Variants in TLE6 observed in about 807,000 individuals in gnomAD.
TLE6 encodes the protein transducin-like enhancer protein 6.
TLE6 carries 72 observed loss-of-function variants against 77.1 expected under a neutral mutation model. That is an observed-to-expected ratio of 0.93 (90% CI 0.77 to 1.14). TLE6 has a LOEUF of 1.14. TLE6 is among the 50% of genes most tolerant of loss of function. The pLI is 0.00. For synonymous variants in TLE6, 366 were observed against 287.3 expected (o/e 1.27, Z -2.77); for missense variants, 843 against 747.6 (o/e 1.13, Z -1.49).
At chr19:2,992,797 G>GGGC (rs1163738311) in intron 14 of TLE6, among the ~76,000 whole-genome samples, 1 of 71,994 alleles carries the variant, frequency 1.4e-5, no homozygotes, top group Non-Finnish European at 2.9e-5. Flanking sequence ...AAAAAAAGGG[G>GGGC]GGGAGGCGGG....
chr19:2,981,614 G>C, intron 4 of TLE6, 31 bp downstream of exon 4: 1 of 1,550,864 alleles, frequency 6.4e-7, no homozygotes, highest in South Asian at 1.2e-5. Context: ...CCCAACCAAG[G>C]AGGGCCCCAC....
At chr19:2,986,780 C>T (rs1288130826) in intron 5 of TLE6, 49 bp from the exon 6 acceptor site, 18 of 1,535,670 alleles carry the variant, frequency 1.2e-5, no homozygotes, top group Non-Finnish European at 1.1e-5. Flanking sequence ...GGATTGCAAA[C>T]CCTTAACTGC....
In TLE6 at chr19:2,994,030, G is replaced by A. The variant is rs749816466; in HGVS notation, c.1549G>A (p.Ala517Thr). Reference protein sequence around the residue: ...VKFSPFGQWWASVGMDDFLGV... With the variant: ...VKFSPFGQWWTSVGMDDFLGV... ...TCCATTTCTCCCAGGCCAGTGGTGG[G>A]CAAGCGTTGGAATGGACGACTTCCT... Residue 517 changes from alanine to threonine, a missense_variant, in exon 16 of 17, where the codon GCA (alanine) becomes ACA (threonine). Coordinates refer to ENST00000246112, the MANE Select transcript of TLE6 (RefSeq NM_001143986.2). 3 of 1,605,718 alleles carry A rather than the reference G, an allele frequency of 1.9e-6. No individual in the cohort carries two copies. The highest frequency in any genetic ancestry group is 2.2e-5 in the South Asian group (2 of 88,996).
chr19:2,980,266 C>G (rs1042205143), intron 3 of TLE6, 84 bp downstream of exon 3: 3 of 1,189,988 alleles, frequency 2.5e-6, no homozygotes, highest in Non-Finnish European at 3.6e-6. Context: ...AGTGAGTGGT[C>G]TAGAGGCTGC....
chr19:2,992,779 CA>C (rs1187737901), intron 14 of TLE6, among the ~76,000 whole-genome samples: 9 of 15,036 alleles, frequency 6.0e-4, no homozygotes, highest in East Asian at 1.8e-3. Flanking sequence ...GACCCTGTCT[CA>C]AAAAAAAAAA....
At chr19:2,988,604 A>C (rs919356954) in intron 11 of TLE6, among the ~76,000 whole-genome samples, 1 of 152,108 alleles carries the variant, frequency 6.6e-6, no homozygotes, top group African/African-American at 2.4e-5. Flanking sequence ...TCAAAAAAAA[A>C]GTGCAGTGTT....
intron 13 of TLE6, among the ~76,000 whole-genome samples, chr19:2,991,019 TAC>T (rs2089040653): frequency 1.5e-5 from 2 of 132,816 alleles, no homozygotes; most frequent in Non-Finnish European, 3.0e-5. Context: ...CATACATACA[TAC>T]ATACATACAT....
intron 3 of TLE6, 48 bp from the exon 4 acceptor site, chr19:2,981,490 G>T: frequency 6.5e-7 from 1 of 1,545,660 alleles, no homozygotes; most frequent in Non-Finnish European, 8.8e-7. Context: ...CTCTGGGGAG[G>T]GAGTCCTGAA....
intron 16 of TLE6, 75 bp downstream of exon 16, chr19:2,994,170 G>A (rs1348145949): frequency 7.6e-7 from 1 of 1,319,932 alleles, no homozygotes; most frequent in Non-Finnish European, 1.0e-6. Context: ...GCAAGACCCT[G>A]TCTCCACAAA....
chr19:2,988,989 C>T (rs369039381), intron 11 of TLE6, 72 bp from the exon 12 acceptor site: 4 of 1,588,614 alleles, frequency 2.5e-6, no homozygotes, highest in Non-Finnish European at 1.7e-6. Context: ...CCCTCTAGGC[C>T]TTGATGTGTG....
intron 2 of TLE6, among the ~76,000 whole-genome samples, chr19:2,979,069 G>A (rs981197702): frequency 1.6e-4 from 24 of 147,918 alleles, no homozygotes; most frequent in Admixed American, 1.2e-3. Flanking sequence ...CTCCTGCCTC[G>A]CCTCCCGAGT....
At position 2,987,816 on chromosome 19, in the gene TLE6, C is replaced by T. The variant is rs374041626; in HGVS notation, c.625+26C>T. 1.2e-5 allele frequency: 20 copies of T among 1,613,910 alleles called. No individual in the cohort carries two copies. The East Asian group carries it at 1.6e-4, about 13-fold the overall frequency. ...GTAATCCCAGCGGGCAGGGGCCGAC[C>T]GACTCCAGGCGGGATGGGGTGGGGG... On this transcript the variant is annotated intron_variant, in intron 9 of 16. Coordinates refer to ENST00000246112, the MANE Select transcript of TLE6 (RefSeq NM_001143986.2).
chr19:2,982,253 G>A (rs548856906), intron 5 of TLE6, 64 bp downstream of exon 5: 16 of 1,530,934 alleles, frequency 1.0e-5, no homozygotes, highest in African/African-American at 4.1e-5. Context: ...AAGCACAGAG[G>A]GGGGCCGGGC....
intron 14 of TLE6, among the ~76,000 whole-genome samples, chr19:2,992,199 G>A (rs754718737): frequency 6.6e-6 from 1 of 152,094 alleles, no homozygotes; most frequent in Non-Finnish European, 1.5e-5. Flanking sequence ...AGAGCTGGGC[G>A]CAGAGGCTCA....
At chr19:2,988,208 A>T in intron 11 of TLE6, 80 bp downstream of exon 11, 2 of 1,400,608 alleles carry the variant, frequency 1.4e-6, no homozygotes, top group Non-Finnish European at 2.0e-6. Flanking sequence ...TGTTCCCGAC[A>T]CATAGAGGGG....
At chr19:2,983,628 G>C (rs11880355) in intron 5 of TLE6, among the ~76,000 whole-genome samples, 3 of 71,880 alleles carry the variant, frequency 4.2e-5, no homozygotes, top group African/African-American at 2.4e-4. Flanking sequence ...GAGGAGGAGG[G>C]GGGGAGGGCA....
Position 2,989,565 on chromosome 19 carries a change from C to T in TLE6, c.1024C>T (p.Leu342=). 6.2e-7 allele frequency: 1 copy of T among 1,613,306 alleles called. No homozygotes were observed. Among genetic ancestry groups the T allele is most frequent in the Non-Finnish European group, 8.5e-7 (1 of 1,179,908 alleles). The change falls in exon 13 of 17, where the codon CTG becomes TTG. Residue 342 remains leucine, a synonymous_variant. Coordinates refer to ENST00000246112, the MANE Select transcript of TLE6 (RefSeq NM_001143986.2). ...TPGAFLRTCL[L]SSNSRSLLTG... ...TGGGGCCTTCCTGCGCACCTGCCTGCTGTCCTCAAACAGCAGGAGCCTGCT... is the reference window on the plus strand; with the variant it reads ...TGGGGCCTTCCTGCGCACCTGCCTGTTGTCCTCAAACAGCAGGAGCCTGCT...
At chr19:2,992,322 A>G (rs538188395) in intron 14 of TLE6, among the ~76,000 whole-genome samples, 1 of 152,142 alleles carries the variant, frequency 6.6e-6, no homozygotes, top group Admixed American at 6.5e-5. Flanking sequence ...AAAATACAAA[A>G]TTGGCCAGGC....
rs1308990080 is a variant in TLE6 at position 2,994,979 on chromosome 19, C to CCTCCGTGTACCAGATCACCT, written c.1695_1714dup (p.Tyr572SerfsTer?). 17 of 1,608,010 alleles carry CCTCCGTGTACCAGATCACCT rather than the reference C, an allele frequency of 1.1e-5. No individual in the cohort carries two copies. The highest frequency in any genetic ancestry group is 1.4e-5 in the Non-Finnish European group (17 of 1,177,854). ...GTTGTCACAGGCTCCGGGGAGCACG[C>CCTCCGTGTACCAGATCACCT]CTCCGTGTACCAGATCACCTACTGA... is the stretch of plus-strand genomic sequence containing the variant. On this transcript the variant is annotated frameshift_variant, in exon 17 of 17. Transcript: ENST00000246112. LOFTEE classifies it high-confidence loss of function.
Sources: gnomAD v4.1 joint callset for allele counts (sites outside exome capture counted in the v4.1 genomes callset) on GRCh38, gnomAD v4.1.1 for gene constraint, MANE v1.5 for transcripts, NCBI Gene and HGNC (gene_info 2026-07-23, HGNC 2026-07-21) for gene names.